The following PACRG variants were observed in gnomAD, a reference collection of about 807,000 sequenced individuals.
The protein encoded by PACRG is parkin coregulated, also known as parkin coregulated gene protein.
In PACRG, 29 loss-of-function variants were observed where a neutral mutation model predicts 29.7. The observed-to-expected ratio is 0.98, with a 90% confidence interval of 0.73 to 1.33. The LOEUF is 1.33. Ranked by LOEUF, PACRG falls within the 40% of genes most tolerant of loss-of-function variation. The pLI is 0.00. For missense variants in PACRG, 279 were observed against 316.2 expected, an observed-to-expected ratio of 0.88 and a Z score of 0.89; for synonymous variants, 116 against 118.7, an observed-to-expected ratio of 0.98 and a Z score of 0.15.
At chr6:163,297,489 A>G (rs1271819450) in intron 4 of PACRG, among the ~76,000 whole-genome samples, 1 of 152,142 alleles carries the variant, frequency 6.6e-6, no homozygotes, top group Non-Finnish European at 1.5e-5. Flanking sequence ...CCCAGGACCT[A>G]GTGAGCTATC....
chr6:162,770,394 T>A (rs1783125876), intron 1 of PACRG, among the ~76,000 whole-genome samples: 1 of 152,180 alleles, frequency 6.6e-6, no homozygotes, highest in South Asian at 2.1e-4. Flanking sequence ...ATAAAAGTTA[T>A]ATCAGCTCCA....
chr6:163,166,146 C>T (rs1248349174), intron 4 of PACRG: 2 of 456,136 alleles, frequency 4.4e-6, no homozygotes, highest in Non-Finnish European at 8.8e-6. Flanking sequence ...GCGTCGCTTG[C>T]GCCCGGCACA....
chr6:163,210,480 A>G (rs1196800684), intron 4 of PACRG, among the ~76,000 whole-genome samples: 1 of 152,200 alleles, frequency 6.6e-6, no homozygotes, highest in Non-Finnish European at 1.5e-5. Flanking sequence ...CAGAGCACTC[A>G]CCATGGCCTT....
At chr6:163,225,207 G>T (rs2128160626) in intron 4 of PACRG, among the ~76,000 whole-genome samples, 1 of 152,308 alleles carries the variant, frequency 6.6e-6, no homozygotes, top group Non-Finnish European at 1.5e-5. Context: ...AAGTGATGTG[G>T]TTTGGCTGTG....
At chr6:163,292,792 A>C (rs111548691) in intron 4 of PACRG, among the ~76,000 whole-genome samples, 1 of 152,270 alleles carries the variant, frequency 6.6e-6, no homozygotes, top group African/African-American at 2.4e-5. Context: ...GGCTAACCTT[A>C]ATACTCTTTA....
chr6:163,159,962 A>C (rs1267509461), intron 4 of PACRG, among the ~76,000 whole-genome samples: 1 of 152,048 alleles, frequency 6.6e-6, no homozygotes, highest in African/African-American at 2.4e-5. Context: ...TCTCCTTGCC[A>C]GCCCTGCTCC....
intron 2 of PACRG, among the ~76,000 whole-genome samples, chr6:163,016,948 T>C (rs1052764369): frequency 4.6e-5 from 7 of 152,102 alleles, no homozygotes; most frequent in Non-Finnish European, 1.0e-4. Flanking sequence ...CAAAATATAT[T>C]TCATATTATT....
At chr6:163,131,725 G>A (rs1816749978) in intron 4 of PACRG, among the ~76,000 whole-genome samples, 1 of 152,136 alleles carries the variant, frequency 6.6e-6, no homozygotes, top group South Asian at 2.1e-4. Context: ...CCACCGAAGA[G>A]TGTTGCAGGG....
intron 2 of PACRG, among the ~76,000 whole-genome samples, chr6:163,041,161 C>A (rs982357067): frequency 6.6e-6 from 1 of 151,948 alleles, no homozygotes; most frequent in African/African-American, 2.4e-5. Flanking sequence ...CATGGTGAAA[C>A]CCCGTCTCTA....
chr6:163,041,269 G>A (rs375638008), intron 2 of PACRG, among the ~76,000 whole-genome samples: 10 of 152,130 alleles, frequency 6.6e-5, no homozygotes, highest in African/African-American at 1.7e-4. Context: ...CCTGGGAGGC[G>A]GAGCTTGCAG....
chr6:162,795,755 T>G (rs920691668), intron 1 of PACRG, among the ~76,000 whole-genome samples: 1 of 152,218 alleles, frequency 6.6e-6, no homozygotes, highest in African/African-American at 2.4e-5. Flanking sequence ...AATTTTTAAG[T>G]CTTGTTTATA....
chr6:163,228,225 A>G (rs1161474027), intron 4 of PACRG, among the ~76,000 whole-genome samples: 1 of 152,064 alleles, frequency 6.6e-6, no homozygotes, highest in African/African-American at 2.4e-5. Flanking sequence ...TCTCCAGGCA[A>G]TGGATTCTTC....
intron 4 of PACRG, among the ~76,000 whole-genome samples, chr6:163,239,014 G>A (rs1438066441): frequency 6.6e-6 from 1 of 152,176 alleles, no homozygotes; most frequent in Non-Finnish European, 1.5e-5. Flanking sequence ...CCCAACTACT[G>A]ACCTAGTGGT....
intron 1 of PACRG, among the ~76,000 whole-genome samples, chr6:162,784,630 T>C (rs1304604493): frequency 6.6e-6 from 1 of 152,164 alleles, no homozygotes; most frequent in Non-Finnish European, 1.5e-5. Flanking sequence ...TATAAAAATC[T>C]GAAGCAACTG....
chr6:162,937,852 A>G (rs1433581489), intron 2 of PACRG, among the ~76,000 whole-genome samples: 23 of 146,812 alleles, frequency 1.6e-4, no homozygotes, highest in Admixed American at 1.2e-3. Flanking sequence ...CAACAATACC[A>G]CTCCCTTGCT....
intron 2 of PACRG, among the ~76,000 whole-genome samples, chr6:162,961,836 T>C (rs929248298): frequency 3.3e-5 from 5 of 152,154 alleles, no homozygotes; most frequent in East Asian, 3.9e-4. Flanking sequence ...TGTATTCCCA[T>C]ATGTAAAATG....
At chr6:162,763,989 C>T (rs1190854510) in intron 1 of PACRG, among the ~76,000 whole-genome samples, 1 of 152,138 alleles carries the variant, frequency 6.6e-6, no homozygotes, top group Non-Finnish European at 1.5e-5. Flanking sequence ...AAATGGGGTG[C>T]TCCAGGCCCG....
At chr6:163,012,111 A>G (rs773245354) in intron 2 of PACRG, among the ~76,000 whole-genome samples, 1 of 152,238 alleles carries the variant, frequency 6.6e-6, no homozygotes, top group Admixed American at 6.5e-5. Context: ...TCATGAGGAC[A>G]AGGAGCAAGT....
chr6:163,269,785 A>AC (rs1562349142), intron 4 of PACRG, among the ~76,000 whole-genome samples: 1 of 93,796 alleles, frequency 1.1e-5, no homozygotes, highest in African/African-American at 4.0e-5. Context: ...AGACAGACAG[A>AC]AAGAAAGAAA....
Sources: allele counts gnomAD v4.1 joint callset (sites outside exome capture counted in the v4.1 genomes callset), GRCh38; gene constraint gnomAD v4.1.1; transcripts MANE v1.5; gene names NCBI Gene and HGNC (gene_info 2026-07-23, HGNC 2026-07-21).